GALNT9: variants seen among roughly 807,000 people sequenced by gnomAD.
The protein encoded by GALNT9 is polypeptide N-acetylgalactosaminyltransferase 9.
In GALNT9, 47 loss-of-function variants were observed where a neutral mutation model predicts 63.1. That is an observed-to-expected ratio of 0.75 (90% CI 0.59 to 0.95). The LOEUF is 0.95. GALNT9 is among the 40% of genes least tolerant of loss of function. GALNT9 has a pLI of 0.00. For missense variants in GALNT9, 829 were observed against 874.8 expected (o/e 0.95, Z 0.66); for synonymous variants, 396 against 365.7 (o/e 1.08, Z -0.94).
chr12:132,289,546 G>C (rs1555242504), intron 1 of GALNT9, among the ~76,000 whole-genome samples: 2 of 152,214 alleles, frequency 1.3e-5, no homozygotes, highest in Admixed American at 6.5e-5. Context: ...GCCTGAATCT[G>C]CTTCATTGGC....
chr12:132,287,834 C>T (rs1156852083), intron 1 of GALNT9, among the ~76,000 whole-genome samples: 4 of 151,822 alleles, frequency 2.6e-5, no homozygotes, highest in Admixed American at 2.0e-4. Flanking sequence ...CCCAGGGGGA[C>T]GGGAGTGAGA....
intron 1 of GALNT9, among the ~76,000 whole-genome samples, chr12:132,302,819 C>T (rs915884783): frequency 4.0e-5 from 6 of 151,730 alleles, no homozygotes; most frequent in African/African-American, 9.7e-5. Flanking sequence ...GGGGACGGGA[C>T]GGGGTGGGAG....
chr12:132,300,915 G>A (rs1291630657), intron 1 of GALNT9, among the ~76,000 whole-genome samples: 1 of 152,262 alleles, frequency 6.6e-6, no homozygotes, highest in South Asian at 2.1e-4. Flanking sequence ...AGAGGGCAGA[G>A]CCCCTGCAGA....
chr12:132,306,885 C>A (rs1488217195), intron 1 of GALNT9, among the ~76,000 whole-genome samples: 2 of 152,156 alleles, frequency 1.3e-5, no homozygotes, highest in Non-Finnish European at 2.9e-5. Context: ...TTTCCCATGA[C>A]CCGAGGGAGC....
At chr12:132,320,732 C>T (rs77433783) in intron 1 of GALNT9, among the ~76,000 whole-genome samples, 21,562 of 117,666 alleles carry the variant, frequency 0.18, 1,803 homozygotes, top group East Asian at 0.33. Flanking sequence ...GCCTCCGCCC[C>T]CACCAGGTGC....
intron 6 of GALNT9, among the ~76,000 whole-genome samples, chr12:132,219,899 G>A (rs549940677): frequency 2.0e-5 from 3 of 151,354 alleles, no homozygotes; most frequent in Admixed American, 6.6e-5. Context: ...GGTGACACCC[G>A]CCTGGGTAAG....
At chr12:132,208,150 ATT>A in intron 6 of GALNT9, among the ~76,000 whole-genome samples, 1 of 152,328 alleles carries the variant, frequency 6.6e-6, no homozygotes, top group South Asian at 2.1e-4. Context: ...CCCTCTATAA[ATT>A]TCAGATGAAT....
In GALNT9 at chr12:132,282,385, C is replaced by T. The variant is rs1880389605; in HGVS notation, c.419+3865G>A. The stretch of plus-strand genomic sequence containing the variant: ...AATTCAGATGTGCTTAAAGAAAAAA[C>T]TAAAAATACGTGTGTGCGCGTGTGT... On this transcript the variant is annotated intron_variant, in intron 2 of 10. Coordinates refer to ENST00000328957, the MANE Select transcript of GALNT9 (RefSeq NM_001122636.2). This position sits in a 1 kb window ranked among gnomAD's most constrained non-coding sequence, Gnocchi z 4.5. Among the ~76,000 whole-genome samples, 1 of 152,186 alleles carries T rather than the reference C, an allele frequency of 6.6e-6. No homozygotes were observed. Among genetic ancestry groups the T allele is most frequent in the African/African-American group, 2.4e-5 (1 of 41,434 alleles).
At chr12:132,235,083 A>C (rs1163530334) in intron 6 of GALNT9, among the ~76,000 whole-genome samples, 1 of 81,528 alleles carries the variant, frequency 1.2e-5, no homozygotes, top group Non-Finnish European at 2.3e-5. Context: ...GACAGCGTGG[A>C]GTCCCTAGTG....
chr12:132,280,960 G>C (rs1192737436), intron 2 of GALNT9: 1 of 152,266 alleles, frequency 6.6e-6, no homozygotes, highest in Non-Finnish European at 1.5e-5. Flanking sequence ...TCTAAGCCTT[G>C]CTGCAGGGAT....
chr12:132,306,963 G>A (rs751608338), intron 1 of GALNT9, among the ~76,000 whole-genome samples: 2 of 152,160 alleles, frequency 1.3e-5, no homozygotes, highest in African/African-American at 2.4e-5. Context: ...GTCTGGGAGC[G>A]TGGCGGGGAA....
intron 2 of GALNT9, chr12:132,283,733 G>A (rs532223043): frequency 6.9e-6 from 1 of 145,266 alleles, no homozygotes; most frequent in Admixed American, 6.8e-5. Flanking sequence ...GGGTGCCGGA[G>A]AATCAAGTCC....
At chr12:132,323,325 C>T (rs1240925783) in intron 1 of GALNT9, among the ~76,000 whole-genome samples, 2 of 152,242 alleles carry the variant, frequency 1.3e-5, no homozygotes, top group Non-Finnish European at 2.9e-5. Context: ...TTCCTAGAAG[C>T]TCGGGCTGCT....
intron 8 of GALNT9, among the ~76,000 whole-genome samples, chr12:132,199,488 G>C (rs111727229): frequency 0.013 from 2,040 of 152,236 alleles, 47 homozygotes; most frequent in African/African-American, 0.046. Flanking sequence ...CACAGATGGA[G>C]ACTTGGCCAT....
chr12:132,324,681 C>T (rs1424400895), intron 1 of GALNT9, among the ~76,000 whole-genome samples: 2 of 152,178 alleles, frequency 1.3e-5, no homozygotes, highest in African/African-American at 4.8e-5. Context: ...CCGCCGCCCT[C>T]TGCAGCCGGG....
At chr12:132,241,558 TA>T (rs1878356801) in intron 6 of GALNT9, among the ~76,000 whole-genome samples, 4 of 100,202 alleles carry the variant, frequency 4.0e-5, no homozygotes, top group Non-Finnish European at 8.2e-5. Context: ...CTATACCCAT[TA>T]CACACACACC....
chr12:132,206,318 G>C (rs1756197164), intron 6 of GALNT9, among the ~76,000 whole-genome samples: 1 of 152,204 alleles, frequency 6.6e-6, no homozygotes, highest in African/African-American at 2.4e-5. Context: ...ACTGCCTCCA[G>C]CCTTCAAAGC....
chr12:132,302,154 A>G lies in GALNT9; in HGVS notation c.239-15724T>C, dbSNP rs116313417. On this transcript the variant is annotated intron_variant, in intron 1 of 10. Coordinates refer to ENST00000328957, the MANE Select transcript of GALNT9 (RefSeq NM_001122636.2). ...AGTTTTGTTTCACTGCCAGCAATATATGCTTCCACTACTTTAATTAGAAAG... is the reference window on the plus strand; with the variant it reads ...AGTTTTGTTTCACTGCCAGCAATATGTGCTTCCACTACTTTAATTAGAAAG... Among the ~76,000 whole-genome samples, 1,329 of 152,094 alleles carry G rather than the reference A, an allele frequency of 8.7e-3. 13 individuals are homozygous for G. The highest frequency in any genetic ancestry group is 0.03 in the African/African-American group (1,255 of 41,472).
Position 132,203,655 on chromosome 12 carries a change from G to C in GALNT9, c.1113C>G (p.Pro371=). ...GCTCGATGTGGGCCACGCGGGAGCA[G>C]GGCAGCACCTCCATGCTGCCGCCAC... The part of the protein sequence containing the change: ...WQCGGSMEVL[P]CSRVAHIERT... The change falls in exon 7 of 11, where the codon CCC becomes CCG. Residue 371 remains proline, a synonymous_variant. Coordinates refer to ENST00000328957, the MANE Select transcript of GALNT9 (RefSeq NM_001122636.2). 1.2e-6 allele frequency: 2 copies of C among 1,613,594 alleles called. No individual in the cohort carries two copies. Among genetic ancestry groups the C allele is most frequent in the Non-Finnish European group, 1.7e-6 (2 of 1,179,802 alleles).
Sources: gnomAD v4.1 joint callset for allele counts (sites outside exome capture counted in the v4.1 genomes callset) on GRCh38, gnomAD v4.1.1 for gene constraint, Gnocchi (gnomAD v3.1) non-coding constraint, MANE v1.5 for transcripts, NCBI Gene and HGNC (gene_info 2026-07-23, HGNC 2026-07-21) for gene names.